Variants in PRKCZ observed in about 807,000 individuals in gnomAD.
PRKCZ encodes the protein protein kinase C zeta, also known as protein kinase C zeta type.
Under a neutral mutation model 79.5 loss-of-function variants are expected in PRKCZ, and 33 were observed. The observed-to-expected ratio is 0.41, with a 90% CI of 0.31 to 0.55. PRKCZ has a LOEUF of 0.55. PRKCZ is among the 20% of genes least tolerant of loss of function. The pLI is 0.19. For missense variants in PRKCZ, 578 were observed against 813.5 expected (o/e 0.71, Z 3.52); for synonymous variants, 342 against 320.9 (o/e 1.07, Z -0.70).
At chr1:2,059,854 A>C (rs569225757) in intron 4 of PRKCZ, among the ~76,000 whole-genome samples, 7 of 152,014 alleles carry the variant, frequency 4.6e-5, no homozygotes, top group Non-Finnish European at 8.8e-5. Flanking sequence ...CCGTCTCCCT[A>C]GGAGGGAGGG....
intron 4 of PRKCZ, among the ~76,000 whole-genome samples, chr1:2,066,126 T>TA (rs1218951082): frequency 2.0e-5 from 3 of 152,222 alleles, no homozygotes; most frequent in Non-Finnish European, 4.4e-5. Flanking sequence ...AAAGGATAAT[T>TA]ATGTCCATGT....
Position 2,172,024 on chromosome 1 carries a change from A to T in PRKCZ, c.1062-31A>T, listed in dbSNP as rs1684542127. 6.4e-7 allele frequency: 1 copy of T among 1,572,970 alleles called. No individual in the cohort carries two copies. Among genetic ancestry groups the T allele is most frequent in the Admixed American group, 1.8e-5 (1 of 56,702 alleles). On this transcript the variant is annotated intron_variant, in intron 11 of 17. Coordinates refer to ENST00000378567, the MANE Select transcript of PRKCZ (RefSeq NM_002744.6). The surrounding 1 kb of genome is among the most constrained non-coding windows in gnomAD (Gnocchi z 7.8). ...TGTTGGCGCAGCCTCTGGCACAGGC[A>T]CTGCCCCCATGACGGCATCCCCACC...
chr1:2,174,032 T>C lies in PRKCZ; in HGVS notation c.1405+16T>C. The C allele has an allele frequency of 1.3e-6, 2 of 1,589,336 alleles. No individual in the cohort carries two copies. Among genetic ancestry groups the C allele is most frequent in the East Asian group, 4.6e-5 (2 of 43,910 alleles). On this transcript the variant is annotated intron_variant, in intron 14 of 17. Coordinates refer to ENST00000378567, the MANE Select transcript of PRKCZ (RefSeq NM_002744.6). This position sits in a 1 kb window ranked among gnomAD's most constrained non-coding sequence, Gnocchi z 6.2. The stretch of plus-strand genomic sequence containing the variant: ...CTTTTCCAAGGTGCGTGCCCCGCTG[T>C]GCGTTCGTACCCCTCACCTGCACGA...
At chr1:2,117,998 C>CTTTTTTTTTTTTTTTTT (rs1553152756) in intron 4 of PRKCZ, among the ~76,000 whole-genome samples, 15 of 65,054 alleles carry the variant, frequency 2.3e-4, no homozygotes, top group Admixed American at 7.1e-4. Flanking sequence ...CCTATTATTT[C>CTTTTTTTTTTTTTTTTT]TTTTTTTTTT....
At chr1:2,112,675 T>TTGG (rs1557591355) in intron 4 of PRKCZ, among the ~76,000 whole-genome samples, 2 of 140,820 alleles carry the variant, frequency 1.4e-5, no homozygotes, top group East Asian at 4.2e-4. Context: ...TTTTTGTTTG[T>TTGG]TTGGTTGGTT....
chr1:2,175,181 C>G (rs766982131), intron 15 of PRKCZ, 43 bp from the exon 16 acceptor site: 140 of 1,567,736 alleles, frequency 8.9e-5, no homozygotes, highest in Non-Finnish European at 9.7e-6. Flanking sequence ...ATGGGGCTTC[C>G]GGGATGGGGC....
At chr1:2,139,291 TAA>T (rs1286542416) in intron 5 of PRKCZ, among the ~76,000 whole-genome samples, 1 of 152,058 alleles carries the variant, frequency 6.6e-6, no homozygotes, top group Non-Finnish European at 1.5e-5. Flanking sequence ...TCAAAGATGT[TAA>T]AAGTAATTAA....
At chr1:2,169,305 G>A in intron 10 of PRKCZ, 1 of 608,726 alleles carries the variant, frequency 1.6e-6, no homozygotes, top group Non-Finnish European at 3.1e-6. Context: ...GCCCCCGCAT[G>A]ACTCCCTCAC....
intron 1 of PRKCZ, among the ~76,000 whole-genome samples, chr1:2,054,930 T>C (rs1446994536): frequency 6.6e-6 from 1 of 151,724 alleles, no homozygotes; most frequent in East Asian, 1.9e-4. Flanking sequence ...GCAAGGAAGT[T>C]GATGGTGGTC....
At chr1:2,102,315 T>TG (rs1667574382) in intron 4 of PRKCZ, among the ~76,000 whole-genome samples, 1 of 60,870 alleles carries the variant, frequency 1.6e-5, no homozygotes, top group African/African-American at 9.3e-5. Flanking sequence ...TTTTATTGCG[T>TG]TTTTTTTTTT....
Position 2,149,518 on chromosome 1 carries a change from G to A in PRKCZ, c.687+594G>A, listed in dbSNP as rs1440551877. Among the ~76,000 whole-genome samples, 1 of 151,446 alleles carries A rather than the reference G, an allele frequency of 6.6e-6. No individual in the cohort carries two copies. Among genetic ancestry groups the A allele is most frequent in the Non-Finnish European group, 1.5e-5 (1 of 68,010 alleles). On this transcript the variant is annotated intron_variant, in intron 8 of 17. Coordinates refer to ENST00000378567, the MANE Select transcript of PRKCZ (RefSeq NM_002744.6). This position sits in a 1 kb window ranked among gnomAD's most constrained non-coding sequence, Gnocchi z 4.1. ...AACAAGTGTCACCCTCACAACTCGTGCTCCTTCCTGGCCATCCTGTGTCTG... is the reference window on the plus strand; with the variant it reads ...AACAAGTGTCACCCTCACAACTCGTACTCCTTCCTGGCCATCCTGTGTCTG...
chr1:2,059,069 G>C (rs1284721815), intron 3 of PRKCZ, among the ~76,000 whole-genome samples: 1 of 152,088 alleles, frequency 6.6e-6, no homozygotes, highest in Non-Finnish European at 1.5e-5. Flanking sequence ...TGCTGGGATT[G>C]CAGGCGTGAG....
At chr1:2,112,691 GTTTTT>G (rs147375796) in intron 4 of PRKCZ, among the ~76,000 whole-genome samples, 2 of 146,426 alleles carry the variant, frequency 1.4e-5, no homozygotes, top group Admixed American at 6.7e-5. Flanking sequence ...TGGTTGGTTG[GTTTTT>G]TTTTTTTTTG....
chr1:2,118,740 TGTGTGTGTGTGTGTGA>T (rs1226846566), intron 4 of PRKCZ, among the ~76,000 whole-genome samples: 120 of 148,598 alleles, frequency 8.1e-4, no homozygotes, highest in East Asian at 3.2e-3. Flanking sequence ...TGTGTGTGTG[TGTGTGTGTGTGTGTGA>T]GATGAGGGGA....
In PRKCZ at chr1:2,149,177, G is replaced by A. The variant is rs764620887; in HGVS notation, c.687+253G>A. On this transcript the variant is annotated intron_variant, in intron 8 of 17. Coordinates refer to ENST00000378567, the MANE Select transcript of PRKCZ (RefSeq NM_002744.6). The surrounding 1 kb of genome is among the most constrained non-coding windows in gnomAD (Gnocchi z 4.1). ...GGGACCACACCCTGCGGGGGAAGCC[G>A]TGCCCCACATCCTCTCCATTCAGGT... is the stretch of plus-strand genomic sequence containing the variant. Among the ~76,000 whole-genome samples, 15 of 152,238 alleles carry A rather than the reference G, an allele frequency of 9.9e-5. No homozygotes were observed. The highest frequency in any genetic ancestry group is 2.1e-4 in the Non-Finnish European group (14 of 68,032).
chr1:2,141,804 A>G, intron 5 of PRKCZ: 1 of 188,122 alleles, frequency 5.3e-6, no homozygotes, highest in Non-Finnish European at 1.1e-5. Context: ...ATGGTTTTAG[A>G]AATGGAAGCT....
At chr1:2,109,361 T>C (rs1023771665) in intron 4 of PRKCZ, among the ~76,000 whole-genome samples, 1 of 152,164 alleles carries the variant, frequency 6.6e-6, no homozygotes, top group Non-Finnish European at 1.5e-5. Flanking sequence ...GGAGCCACCT[T>C]CCCTTGTCTC....
chr1:2,089,578 C>T lies in PRKCZ; in HGVS notation c.334+29987C>T, dbSNP rs553083023. ...AGTCTTCTTCACGTGATAAAGGGGA[C>T]GAACAAACACTCTGGGGTCCCTTTG... On this transcript the variant is annotated intron_variant, in intron 4 of 17. Coordinates refer to ENST00000378567, the MANE Select transcript of PRKCZ (RefSeq NM_002744.6). Among the ~76,000 whole-genome samples the T allele has an allele frequency of 1.1e-4, 16 of 152,248 alleles. No homozygotes were observed. In the South Asian group the frequency reaches 3.1e-3, roughly 30 times the overall value.
chr1:2,175,160 G>A lies in PRKCZ; in HGVS notation c.1486-64G>A, dbSNP rs952046555. 4.2e-6 allele frequency: 6 copies of A among 1,429,766 alleles called. No individual in the cohort carries two copies. The East Asian group carries it at 6.9e-5, about 16-fold the overall frequency. 88.6% of individuals were successfully genotyped at this position (1,429,766 alleles called of 1,614,324 possible). On this transcript the variant is annotated intron_variant, in intron 15 of 17. Transcript: ENST00000378567. ...GTCAGCACTGGGAGTGGCCACCAAGGAGAGGGGGTCATGGGGCTTCCGGGA... is the reference window on the plus strand; with the variant it reads ...GTCAGCACTGGGAGTGGCCACCAAGAAGAGGGGGTCATGGGGCTTCCGGGA...
Sources: gnomAD v4.1 joint callset for allele counts (sites outside exome capture counted in the v4.1 genomes callset) on GRCh38, gnomAD v4.1.1 for gene constraint, Gnocchi (gnomAD v3.1) non-coding constraint, MANE v1.5 for transcripts, NCBI Gene and HGNC (gene_info 2026-07-23, HGNC 2026-07-21) for gene names.